MYCBP2: variants seen among roughly 807,000 people sequenced by gnomAD.
MYCBP2 encodes MYC binding protein 2.
A neutral mutation model predicts 525.3 loss-of-function variants in MYCBP2; 120 were observed. The observed-to-expected ratio is 0.23, with a 90% CI of 0.20 to 0.27. The LOEUF (loss-of-function observed/expected upper bound fraction) is 0.27. MYCBP2 is among the 10% of genes least tolerant of loss of function. The pLI is 1.00. For missense variants in MYCBP2, 4,149 were observed against 5,657.1 expected, an observed-to-expected ratio of 0.73 and a Z score of 8.55; for synonymous variants, 1,894 against 1,955.8, an observed-to-expected ratio of 0.97 and a Z score of 0.83.
At chr13:77,129,631 T>C (rs1248623049) in intron 52 of MYCBP2, 1 of 153,542 alleles carries the variant, frequency 6.5e-6, no homozygotes, top group African/African-American at 2.4e-5. Flanking sequence ...ATGATATCGA[T>C]TGTATAGAAA....
intron 37 of MYCBP2, among the ~76,000 whole-genome samples, chr13:77,172,602 T>C (rs1595116048): frequency 6.6e-6 from 1 of 152,234 alleles, no homozygotes; most frequent in South Asian, 2.1e-4. Flanking sequence ...GACTATTAAA[T>C]ATGGAAGTAG....
chr13:77,286,618 C>T (rs1282360123), intron 3 of MYCBP2, among the ~76,000 whole-genome samples: 5 of 147,740 alleles, frequency 3.4e-5, no homozygotes, highest in Admixed American at 2.0e-4. Context: ...TAGCCGGGCG[C>T]GGTGGCAGGT....
At chr13:77,317,714 G>A (rs147829617) in intron 1 of MYCBP2, among the ~76,000 whole-genome samples, 4,071 of 152,214 alleles carry the variant, frequency 0.027, 196 homozygotes, top group African/African-American at 0.092. Flanking sequence ...TGACGTGGCC[G>A]GATCACGAGG....
intron 55 of MYCBP2, among the ~76,000 whole-genome samples, chr13:77,106,552 A>G (rs890952512): frequency 6.6e-6 from 1 of 152,138 alleles, no homozygotes; most frequent in African/African-American, 2.4e-5. Flanking sequence ...AATTTTTTTC[A>G]AAGACATTCC....
chr13:77,177,275 G>A (rs1313372743), intron 35 of MYCBP2, among the ~76,000 whole-genome samples: 1 of 151,242 alleles, frequency 6.6e-6, no homozygotes, highest in Non-Finnish European at 1.5e-5. Context: ...GTGACCCAAG[G>A]TGGAAAGATG....
chr13:77,295,176 C>T (rs1352510018), intron 2 of MYCBP2, among the ~76,000 whole-genome samples: 1 of 152,124 alleles, frequency 6.6e-6, no homozygotes, highest in Non-Finnish European at 1.5e-5. Flanking sequence ...TACTCTGTCG[C>T]CAGGCTGGAG....
Position 77,101,614 on chromosome 13 carries a change from T to G in MYCBP2, c.8141-2601A>C, listed in dbSNP as rs551568523. ...TCTCTAATAGTGGTGAATATTTTCT[T>G]AAGATCTGTAAGTGGTGACAGCTAA... On this transcript the variant is annotated intron_variant, in intron 55 of 82. Coordinates refer to ENST00000544440, the MANE Select transcript of MYCBP2 (RefSeq NM_015057.5). Among the ~76,000 whole-genome samples the G allele has an allele frequency of 1.3e-3, 196 of 152,184 alleles. 1 individual carries two copies. Among genetic ancestry groups the G allele is most frequent in the African/African-American group, 4.2e-3 (176 of 41,572 alleles).
At chr13:77,283,847 G>A (rs2076453676) in intron 3 of MYCBP2, among the ~76,000 whole-genome samples, 1 of 152,130 alleles carries the variant, frequency 6.6e-6, no homozygotes, top group Non-Finnish European at 1.5e-5. Flanking sequence ...ACGGTGAGCT[G>A]AGATCACGCC....
At position 77,098,357 on chromosome 13, in the gene MYCBP2, C is replaced by A; in HGVS notation, c.8797G>T (p.Val2933Phe). The A allele has an allele frequency of 6.2e-7, 1 of 1,612,982 alleles. No individual in the cohort carries two copies. The highest frequency in any genetic ancestry group is 8.5e-7 in the Non-Finnish European group (1 of 1,179,818). Reference protein sequence around the residue: ...VVQENLHSEVVEVCTSSTLKT... With the variant: ...VVQENLHSEVFEVCTSSTLKT... ...AAAGTACTTGAGGTGCAGACTTCGA[C>A]CACCTCACTGTGGAGGTTTTCCTGT... is the stretch of plus-strand genomic sequence containing the variant. Residue 2933 changes from valine (V) to phenylalanine (F), a missense_variant, in exon 56 of 83, where the codon GTC becomes TTC. This residue lies in a region of MYCBP2 where 653 missense variants were observed against 744.7 expected (regional missense o/e 0.88). Coordinates refer to ENST00000544440, the MANE Select transcript of MYCBP2 (RefSeq NM_015057.5).
intron 47 of MYCBP2, among the ~76,000 whole-genome samples, chr13:77,149,309 A>G (rs1313497614): frequency 6.6e-6 from 1 of 151,834 alleles, no homozygotes; most frequent in Non-Finnish European, 1.5e-5. Context: ...AATTTGAATC[A>G]CTGCATATTT....
intron 38 of MYCBP2, among the ~76,000 whole-genome samples, chr13:77,170,882 T>G (rs953264144): frequency 2.0e-5 from 3 of 152,144 alleles, no homozygotes; most frequent in Admixed American, 2.0e-4. Context: ...GCCATAACCA[T>G]GTTTTCATAA....
rs1555465827 is a variant in MYCBP2 at position 77,294,131 on chromosome 13, C to CATGTATATATATATACAT, written c.378+2467_378+2468insATGTATATATATATACAT. On this transcript the variant is annotated intron_variant, in intron 2 of 82. Coordinates refer to ENST00000544440, the MANE Select transcript of MYCBP2 (RefSeq NM_015057.5). ...ATATATATATATATATATATATATACATATATATATACATATATATAAAAT... is the reference window on the plus strand; with the variant it reads ...ATATATATATATATATATATATATACATGTATATATATATACATATATATATATACATATATATAAAAT... Among the ~76,000 whole-genome samples, 3 of 65,692 alleles carry CATGTATATATATATACAT rather than the reference C, an allele frequency of 4.6e-5. 1 individual carries two copies. The highest frequency in any genetic ancestry group is 7.6e-4 in the East Asian group (2 of 2,624). 43.1% of individuals were successfully genotyped at this position (65,692 alleles called of 152,430 possible).
chr13:77,206,513 T>G, intron 24 of MYCBP2, 140 bp downstream of exon 24: 1 of 789,930 alleles, frequency 1.3e-6, no homozygotes, highest in Non-Finnish European at 1.8e-6. Context: ...AATTAGCCTC[T>G]TAGAGGATTT....
intron 1 of MYCBP2, among the ~76,000 whole-genome samples, chr13:77,321,040 A>G (rs920021408): frequency 2.0e-5 from 3 of 152,212 alleles, no homozygotes; most frequent in African/African-American, 7.2e-5. Context: ...TGATAGTTTC[A>G]GGACTCTTCA....
At chr13:77,227,476 A>T (rs2066444602) in intron 18 of MYCBP2, among the ~76,000 whole-genome samples, 1 of 97,488 alleles carries the variant, frequency 1.0e-5, no homozygotes, top group African/African-American at 3.9e-5. Context: ...ACACACACAC[A>T]CACATACACA....
At position 77,230,850 on chromosome 13, in the gene MYCBP2, G is replaced by A. The variant is rs1045618042; in HGVS notation, c.2737+2306C>T. On this transcript the variant is annotated intron_variant, in intron 18 of 82. Transcript: ENST00000544440. ...GCTGGGACTGCAACCTGTCACAGGA[G>A]GTCAGGTGTGGAATTTCCCACTTGG... Among the ~76,000 whole-genome samples the A allele has an allele frequency of 1.6e-4, 24 of 152,166 alleles. 2 individuals carry two copies. The highest frequency in any genetic ancestry group is 9.2e-4 in the Admixed American group (14 of 15,276).
At chr13:77,258,551 A>G (rs2072653201) in intron 13 of MYCBP2, among the ~76,000 whole-genome samples, 1 of 152,196 alleles carries the variant, frequency 6.6e-6, no homozygotes, top group African/African-American at 2.4e-5. Context: ...TATCAATCTC[A>G]TATTATGCTT....
In MYCBP2 at chr13:77,294,107, T is replaced by TATATAC. The variant is rs1555465497; in HGVS notation, c.378+2491_378+2492insGTATAT. Among the ~76,000 whole-genome samples, 9 of 43,904 alleles carry TATATAC rather than the reference T, an allele frequency of 2.0e-4. 1 individual carries two copies. Among genetic ancestry groups the TATATAC allele is most frequent in the Admixed American group, 3.8e-4 (1 of 2,608 alleles). 28.8% of individuals were successfully genotyped at this position (43,904 alleles called of 152,430 possible). On this transcript the variant is annotated intron_variant, in intron 2 of 82. Coordinates refer to ENST00000544440, the MANE Select transcript of MYCBP2 (RefSeq NM_015057.5). Reference sequence around the variant, plus strand: ...AGCCATAAAGTAGATATAATGGCTATATATATATATATATATATATATACA... The same window carrying TATATAC: ...AGCCATAAAGTAGATATAATGGCTATATATACATATATATATATATATATATATACA...
At position 77,273,608 on chromosome 13, in the gene MYCBP2, G is replaced by C. The variant is rs773457145; in HGVS notation, c.809C>G (p.Thr270Arg). The change falls in exon 5 of 83, where the codon ACA (threonine) becomes AGA (arginine). Residue 270 changes from threonine (T) to arginine (R), a missense_variant. Physicochemically the swap from Thr to Arg is moderately conservative, Grantham distance 71. Around this residue, in one of 21 missense-constraint regions of MYCBP2, gnomAD observed 413 missense variants for 451.2 expected, o/e 0.92. Transcript: ENST00000544440. The stretch of plus-strand genomic sequence containing the variant: ...GGAAAGTGCTGTTAAGGACTGTCCT[G>C]TGCTGTCATTCATCCCAGTACTTCG... ...TVRSTGMNDS[T>R]GQSLTALSCA... 3.2e-5 allele frequency: 51 copies of C among 1,599,528 alleles called. No homozygotes were observed. Among genetic ancestry groups the C allele is most frequent in the Non-Finnish European group, 4.3e-5 (51 of 1,176,250 alleles).
Sources: gnomAD v4.1 joint callset for allele counts (sites outside exome capture counted in the v4.1 genomes callset) on GRCh38, gnomAD v4.1.1 for gene constraint, gnomAD v4.1.1 regional missense constraint, MANE v1.5 for transcripts, NCBI Gene and HGNC (gene_info 2026-07-23, HGNC 2026-07-21) for gene names.